MAGI1: variants seen among roughly 807,000 people sequenced by gnomAD.
The protein encoded by MAGI1 is membrane-associated guanylate kinase, WW and PDZ domain-containing protein 1.
MAGI1 carries 58 observed loss-of-function variants against 139.9 expected under a neutral mutation model. That is an observed-to-expected ratio of 0.41 (90% CI 0.34 to 0.52). The LOEUF is 0.52. MAGI1 is among the 20% of genes least tolerant of loss of function. The pLI is 0.12. For synonymous variants in MAGI1, 812 were observed against 737.9 expected (o/e 1.10, Z -1.63); for missense variants, 1,874 against 1,901.6 (o/e 0.99, Z 0.27).
chr3:65,553,690 A>G (rs1463882868), intron 2 of MAGI1, among the ~76,000 whole-genome samples: 1 of 152,190 alleles, frequency 6.6e-6, no homozygotes, highest in African/African-American at 2.4e-5. Flanking sequence ...GTTTTAGGAT[A>G]TGCTATATAT....
chr3:65,433,859 T>C (rs949532154), intron 10 of MAGI1, among the ~76,000 whole-genome samples: 3 of 152,252 alleles, frequency 2.0e-5, no homozygotes, highest in South Asian at 2.1e-4. Context: ...TACCGTCTAA[T>C]GGCACTTTCC....
intron 1 of MAGI1, among the ~76,000 whole-genome samples, chr3:65,955,549 CTATT>C (rs2064081664): frequency 6.6e-6 from 1 of 151,810 alleles, no homozygotes; most frequent in Non-Finnish European, 1.5e-5. Flanking sequence ...AAGAGTCTAT[CTATT>C]CTAAGGCTCA....
chr3:65,378,978 G>A (rs1202078019), intron 17 of MAGI1, among the ~76,000 whole-genome samples: 1 of 152,226 alleles, frequency 6.6e-6, no homozygotes, highest in East Asian at 1.9e-4. Context: ...AACAGCGCCC[G>A]GCTGCTATTC....
intron 2 of MAGI1, among the ~76,000 whole-genome samples, chr3:65,578,020 C>T (rs1404046710): frequency 6.6e-6 from 1 of 152,212 alleles, no homozygotes; most frequent in African/African-American, 2.4e-5. Context: ...AAATGCAATG[C>T]TGTCCGCCCC....
intron 1 of MAGI1, among the ~76,000 whole-genome samples, chr3:65,846,176 C>T (rs901889503): frequency 8.5e-5 from 13 of 152,132 alleles, no homozygotes; most frequent in Non-Finnish European, 1.3e-4. Context: ...GCCACCAGCC[C>T]CTCCAACAGA....
chr3:65,416,812 T>C (rs964335574), intron 12 of MAGI1, among the ~76,000 whole-genome samples: 4 of 152,162 alleles, frequency 2.6e-5, no homozygotes, highest in Admixed American at 6.5e-5. Context: ...TGCAAGATGT[T>C]TGAACCAAAA....
intron 1 of MAGI1, among the ~76,000 whole-genome samples, chr3:66,013,867 G>A (rs911312419): frequency 1.3e-5 from 2 of 151,832 alleles, no homozygotes; most frequent in African/African-American, 4.8e-5. Flanking sequence ...TGAAAACATC[G>A]TCAATGATTT....
chr3:65,531,593 C>T (rs966432657), intron 2 of MAGI1, among the ~76,000 whole-genome samples: 2 of 152,110 alleles, frequency 1.3e-5, no homozygotes, highest in South Asian at 4.1e-4. Flanking sequence ...CTCCAATTCC[C>T]TATCCATCTT....
chr3:65,591,668 C>T (rs2081970426), intron 2 of MAGI1, among the ~76,000 whole-genome samples: 1 of 152,194 alleles, frequency 6.6e-6, no homozygotes, highest in African/African-American at 2.4e-5. Context: ...CTAGCATAAT[C>T]TGTCATTCTT....
intron 1 of MAGI1, among the ~76,000 whole-genome samples, chr3:66,030,523 A>G (rs1232468638): frequency 2.0e-5 from 3 of 152,238 alleles, no homozygotes; most frequent in Non-Finnish European, 4.4e-5. Flanking sequence ...AGCGATCTAC[A>G]TACTATGGAG....
intron 1 of MAGI1, among the ~76,000 whole-genome samples, chr3:65,941,698 T>G (rs1317722258): frequency 1.3e-5 from 2 of 152,030 alleles, no homozygotes; most frequent in Non-Finnish European, 2.9e-5. Context: ...GTTTGGCTTC[T>G]CTCATAAATG....
intron 13 of MAGI1, among the ~76,000 whole-genome samples, chr3:65,396,279 A>C (rs1194408617): frequency 1.3e-5 from 2 of 152,216 alleles, no homozygotes; most frequent in East Asian, 3.9e-4. Context: ...CAAGAGTCTT[A>C]TTGCTGAGTC....
chr3:65,369,529 G>C lies in MAGI1; in HGVS notation c.3197-4583C>G, dbSNP rs1177815120. Among the ~76,000 whole-genome samples, 9 of 147,712 alleles carry C rather than the reference G, an allele frequency of 6.1e-5. No individual in the cohort carries two copies. The East Asian group carries it at 1.6e-3, about 26-fold the overall frequency. Reference sequence around the variant, plus strand: ...GATGGATTCTTTTTTTTTTTTTCTGGAGACACAGTCTCACTGTCTCCCAGC... The same window carrying C: ...GATGGATTCTTTTTTTTTTTTTCTGCAGACACAGTCTCACTGTCTCCCAGC... On this transcript the variant is annotated intron_variant, in intron 18 of 22. Transcript: ENST00000402939.
At chr3:66,034,650 C>T (rs1170698199) in intron 1 of MAGI1, among the ~76,000 whole-genome samples, 4 of 151,938 alleles carry the variant, frequency 2.6e-5, no homozygotes, top group Admixed American at 6.6e-5. Context: ...CAGCTTTATT[C>T]GTAATAGTAA....
Position 65,534,991 on chromosome 3 carries a change from G to C in MAGI1, c.431-41360C>G, listed in dbSNP as rs116706255. 7.3e-3 allele frequency among the ~76,000 whole-genome samples: 1,105 copies of C among 152,116 alleles called. 5 individuals are homozygous for C. Among genetic ancestry groups the C allele is most frequent in the Middle Eastern group, 0.027 (8 of 294 alleles). ...GCCAACTCTCCATGTGGGGGACAAG[G>C]CACCATATGGCCCAGCAATTAGGAA... is the stretch of plus-strand genomic sequence containing the variant. On this transcript the variant is annotated intron_variant, in intron 2 of 22. Transcript: ENST00000402939.
chr3:65,738,173 T>A (rs1319737579), intron 1 of MAGI1, among the ~76,000 whole-genome samples: 1 of 152,176 alleles, frequency 6.6e-6, no homozygotes, highest in African/African-American at 2.4e-5. Flanking sequence ...ATACTGTGGG[T>A]TCGGTTCCTG....
intron 1 of MAGI1, among the ~76,000 whole-genome samples, chr3:65,800,258 C>T (rs2040429662): frequency 4.6e-5 from 7 of 152,128 alleles, no homozygotes. Context: ...TCTTCTTCAT[C>T]ATTAATTTGT....
chr3:65,421,250 G>A (rs1449251945), intron 12 of MAGI1, among the ~76,000 whole-genome samples: 1 of 152,170 alleles, frequency 6.6e-6, no homozygotes, highest in Non-Finnish European at 1.5e-5. Flanking sequence ...ACTGCATTAT[G>A]AATAAAGGCC....
chr3:65,401,540 A>G, intron 12 of MAGI1, 70 bp from the exon 13 acceptor site: 1 of 1,578,298 alleles, frequency 6.3e-7, no homozygotes, highest in East Asian at 2.3e-5. Context: ...CTTTTCCTTA[A>G]AGAACAATCC....
Sources: gnomAD v4.1 joint callset for allele counts (sites outside exome capture counted in the v4.1 genomes callset) on GRCh38, gnomAD v4.1.1 for gene constraint, MANE v1.5 for transcripts, NCBI Gene and HGNC (gene_info 2026-07-23, HGNC 2026-07-21) for gene names.